PRKAR1A: variants seen among roughly 807,000 people sequenced by gnomAD.
PRKAR1A encodes the protein cAMP-dependent protein kinase type I-alpha regulatory subunit.
In PRKAR1A, 3 loss-of-function variants were observed where a neutral mutation model predicts 52.0. The observed-to-expected ratio is 0.06, with a 90% CI of 0.03 to 0.15. PRKAR1A has a LOEUF of 0.15. Ranked by LOEUF, PRKAR1A falls within the 10% of genes least tolerant of loss-of-function variation. The pLI is 1.00. For missense variants in PRKAR1A, 240 were observed against 477.4 expected, an observed-to-expected ratio of 0.50 and a Z score of 4.63; for synonymous variants, 188 against 168.4, an observed-to-expected ratio of 1.12 and a Z score of -0.90.
chr17:68,510,247 C>A (rs1029235741), upstream of PRKAR1A, among the ~76,000 whole-genome samples: 1 of 147,604 alleles, frequency 6.8e-6, no homozygotes, highest in African/African-American at 2.5e-5. Flanking sequence ...TGGGTTTAAG[C>A]CATGTTAGCT....
Position 68,543,797 on chromosome 17 carries a change from C to A in PRKAR1A, c.974-7287C>A. Reference sequence around the variant, plus strand: ...CTGAGAAGAGAGCTGATGAGCATGACCAGCGAGAAAGGAAAACGGGCTTTT... The same window carrying A: ...CTGAGAAGAGAGCTGATGAGCATGAACAGCGAGAAAGGAAAACGGGCTTTT... On this transcript the variant is annotated intron_variant, in intron 11 of 11. Coordinates refer to the PRKAR1A transcript ENST00000585981. The A allele has an allele frequency of 1.5e-6, 2 of 1,293,220 alleles. 1 individual carries two copies. The highest frequency in any genetic ancestry group is 2.4e-5 in the South Asian group (2 of 84,592). The allele number at this position is 1,293,220 out of a possible 1,614,324, so 80.1% of individuals were successfully genotyped here.
At chr17:68,431,708 A>G in the PRKAR1A span, among the ~76,000 whole-genome samples, 2 of 8,928 alleles carry the variant, frequency 2.2e-4, no homozygotes, top group African/African-American at 1.3e-3. Context: ...CTGGCCAGCG[A>G]AGCAGGGCTG....
the PRKAR1A span, among the ~76,000 whole-genome samples, chr17:68,454,161 A>G: frequency 6.6e-6 from 1 of 152,218 alleles, no homozygotes; most frequent in East Asian, 1.9e-4. Flanking sequence ...GAAAGTAAAC[A>G]TCAAAGTCAA....
upstream of PRKAR1A, among the ~76,000 whole-genome samples, chr17:68,509,960 A>G (rs956302942): frequency 2.6e-5 from 4 of 152,192 alleles, no homozygotes; most frequent in Non-Finnish European, 2.9e-5. Context: ...GCTCAGCTCA[A>G]TGTCAGCAGC....
chr17:68,434,501 G>T, the PRKAR1A span: 1 of 1,594,904 alleles, frequency 6.3e-7, no homozygotes, highest in South Asian at 1.1e-5. Flanking sequence ...GCTGCCAGCG[G>T]TCCCTGCGGG....
intron 9 of PRKAR1A, among the ~76,000 whole-genome samples, chr17:68,529,270 TAAC>T (rs964454997): frequency 4.6e-5 from 7 of 152,318 alleles, no homozygotes; most frequent in African/African-American, 1.2e-4. Context: ...CCATTTAACA[TAAC>T]AAACTGTGAT....
intron 4 of PRKAR1A, 62 bp downstream of exon 4, chr17:68,523,878 C>G: frequency 6.3e-7 from 1 of 1,590,284 alleles, no homozygotes; most frequent in Non-Finnish European, 8.6e-7. Context: ...AAATTGTTTT[C>G]AACACTTGTT....
the PRKAR1A span, among the ~76,000 whole-genome samples, chr17:68,476,172 C>G: frequency 6.6e-6 from 1 of 152,038 alleles, no homozygotes; most frequent in African/African-American, 2.4e-5. Flanking sequence ...CTATAATCTA[C>G]TAGGTCAAGC....
intron 11 of PRKAR1A, among the ~76,000 whole-genome samples, chr17:68,548,508 C>T (rs1397391994): frequency 6.6e-6 from 1 of 151,200 alleles, no homozygotes; most frequent in Admixed American, 6.6e-5. Context: ...CCAGCCTGGG[C>T]AACAGAGTGA....
chr17:68,483,356 C>G, the PRKAR1A span, among the ~76,000 whole-genome samples: 1 of 152,252 alleles, frequency 6.6e-6, no homozygotes, highest in Admixed American at 6.5e-5. Context: ...TGGCCAGCCC[C>G]TGTAATCCCA....
chr17:68,515,311 T>G, intron 1 of PRKAR1A, 83 bp from the exon 2 acceptor site: 1 of 1,494,850 alleles, frequency 6.7e-7, no homozygotes, highest in Non-Finnish European at 9.2e-7. Context: ...GAATCAGTTG[T>G]CTAATGAATT....
the PRKAR1A span, among the ~76,000 whole-genome samples, chr17:68,417,944 C>T: frequency 9.6e-4 from 146 of 151,868 alleles, no homozygotes; most frequent in Non-Finnish European, 1.9e-3. Context: ...GTTGGCCAGA[C>T]TGGTCTCAAA....
At chr17:68,474,558 T>C in the PRKAR1A span, among the ~76,000 whole-genome samples, 1 of 152,030 alleles carries the variant, frequency 6.6e-6, no homozygotes, top group South Asian at 2.1e-4. Flanking sequence ...CAGTGCACCG[T>C]GTCAGGCGGC....
the PRKAR1A span, among the ~76,000 whole-genome samples, chr17:68,486,517 CTTT>C: frequency 8.8e-4 from 67 of 76,482 alleles, 2 homozygotes; most frequent in Non-Finnish European, 1.6e-3. Context: ...TTCTTTCTTT[CTTT>C]CTTTCTTTCT....
chr17:68,540,880 G>T lies in PRKAR1A; in HGVS notation c.974-10204G>T. 6.2e-7 allele frequency: 1 copy of T among 1,604,676 alleles called. No individual in the cohort carries two copies. The highest frequency in any genetic ancestry group is 8.5e-7 in the Non-Finnish European group (1 of 1,175,602). On this transcript the variant is annotated intron_variant, in intron 11 of 11. Coordinates refer to the PRKAR1A transcript ENST00000585981. ...AGAAGTCGAAGATGGCCATGTCGAT[G>T]ACATTGAGGAGCCGCTGGCTGTTGT...
the PRKAR1A span, among the ~76,000 whole-genome samples, chr17:68,466,273 T>G: frequency 6.6e-6 from 1 of 152,190 alleles, no homozygotes; most frequent in Non-Finnish European, 1.5e-5. Flanking sequence ...TTTTTGTTTC[T>G]GCTGATGAAG....
rs185201517 is a variant in PRKAR1A at position 68,515,219 on chromosome 17, A to G, written c.-6-175A>G. 3.1e-4 allele frequency: 202 copies of G among 659,926 alleles called. 2 individuals are homozygous for G. The East Asian group carries it at 4.7e-3, about 15-fold the overall frequency. 40.9% of individuals were successfully genotyped at this position (659,926 alleles called of 1,614,324 possible). ...ACTAAATGAAACATTTACTTGGAAT[A>G]ATGCTAATTCTGTACATATTTTATT... On this transcript the variant is annotated intron_variant, in intron 1 of 10. Coordinates refer to ENST00000589228, the MANE Select transcript of PRKAR1A (RefSeq NM_002734.5).
At position 68,548,616 on chromosome 17, in the gene PRKAR1A, C is replaced by T. The variant is rs117686165; in HGVS notation, c.974-2468C>T. Among the ~76,000 whole-genome samples the T allele has an allele frequency of 4.2e-4, 64 of 151,850 alleles. 1 individual carries two copies. The East Asian group carries it at 0.011, about 25-fold the overall frequency. The stretch of plus-strand genomic sequence containing the variant: ...GCACATGCTGTTGGGAAAATGACAC[C>T]GATAGACTTGCTTGATGCAGGGTTG... On this transcript the variant is annotated intron_variant, in intron 11 of 11. Transcript: ENST00000585981.
the PRKAR1A span, chr17:68,427,080 AGG>A: frequency 7.0e-7 from 1 of 1,438,808 alleles, no homozygotes; most frequent in South Asian, 1.1e-5. Flanking sequence ...TGCAGGGAGA[AGG>A]GGAGGGAGGT....
Sources: allele counts gnomAD v4.1 joint callset (sites outside exome capture counted in the v4.1 genomes callset), GRCh38; gene constraint gnomAD v4.1.1; transcripts MANE v1.5; gene names NCBI Gene and HGNC (gene_info 2026-07-23, HGNC 2026-07-21).